The following C10orf67 variants were observed in gnomAD, a reference collection of about 807,000 sequenced individuals.
The protein encoded by C10orf67 is uncharacterized protein C10orf67, mitochondrial.
Under a neutral mutation model 35.6 loss-of-function variants are expected in C10orf67, and 60 were observed. The observed-to-expected ratio is 1.68, with a 90% CI of 1.37 to 2.09. The LOEUF (loss-of-function observed/expected upper bound fraction) is 2.09, where lower values mean the gene tolerates loss of function less well. C10orf67 is among the 30% of genes most tolerant of loss of function. C10orf67 has a pLI of 0.00. For missense variants in C10orf67, 474 were observed against 330.2 expected (o/e 1.44, Z -3.38); for synonymous variants, 167 against 115.8 (o/e 1.44, Z -2.84).
intron 10 of C10orf67, among the ~76,000 whole-genome samples, chr10:23,265,749 C>G (rs1842869390): frequency 6.6e-6 from 1 of 152,154 alleles, no homozygotes; most frequent in African/African-American, 2.4e-5. Flanking sequence ...TTATGTAGAC[C>G]AAGGCTGCCA....
At chr10:23,257,973 A>G (rs1842648120) in intron 10 of C10orf67, among the ~76,000 whole-genome samples, 1 of 152,114 alleles carries the variant, frequency 6.6e-6, no homozygotes, top group Non-Finnish European at 1.5e-5. Context: ...ATAGTCTCAT[A>G]AGAGACAGGT....
At chr10:23,233,958 T>C (rs1406814878) in intron 13 of C10orf67, among the ~76,000 whole-genome samples, 1 of 152,202 alleles carries the variant, frequency 6.6e-6, no homozygotes, top group African/African-American at 2.4e-5. Context: ...ATGTCACCTA[T>C]GTTGATAAAT....
At chr10:23,291,803 C>T (rs1453788135) in intron 5 of C10orf67, among the ~76,000 whole-genome samples, 11 of 152,126 alleles carry the variant, frequency 7.2e-5, no homozygotes, top group Non-Finnish European at 1.0e-4. Flanking sequence ...GGCTGGGAGC[C>T]GCATGGAGTC....
At position 23,219,853 on chromosome 10, in the gene C10orf67, G is replaced by C. The variant is rs557929047; in HGVS notation, c.1570+3745C>G. ...TAGATTTTATTTTTTACTTATGCCT[G>C]GTAGAAAATCAGCTATTAAAGAAGC... On this transcript the variant is annotated intron_variant, in intron 15 of 15. Transcript: ENST00000636213. 5.3e-5 allele frequency among the ~76,000 whole-genome samples: 8 copies of C among 152,184 alleles called. No individual in the cohort carries two copies. The South Asian group carries it at 1.0e-3, about 20-fold the overall frequency.
chr10:23,327,577 A>G (rs1845247948), intron 2 of C10orf67, among the ~76,000 whole-genome samples: 1 of 152,182 alleles, frequency 6.6e-6, no homozygotes, highest in African/African-American at 2.4e-5. Context: ...CTGTAATCCC[A>G]GCACTTTGTG....
chr10:23,309,957 C>T (rs576720361), intron 4 of C10orf67, among the ~76,000 whole-genome samples: 1 of 152,278 alleles, frequency 6.6e-6, no homozygotes, highest in South Asian at 2.1e-4. Context: ...TTACCTTTGG[C>T]TTTTCAAAAA....
chr10:23,274,887 A>C (rs1013597609), intron 8 of C10orf67, among the ~76,000 whole-genome samples: 1 of 152,216 alleles, frequency 6.6e-6, no homozygotes, highest in Non-Finnish European at 1.5e-5. Context: ...CAGTAAAGAC[A>C]GGTGTAAGAA....
At position 23,318,633 on chromosome 10, in the gene C10orf67, C is replaced by T. The variant is rs1048243772; in HGVS notation, c.546+2108G>A. On this transcript the variant is annotated intron_variant, in intron 4 of 15. Transcript: ENST00000636213. ...TGCACAAGAGCAGGTAAGTGGGAGA[C>T]AGTGTCACAGATGCCTTTGGAAACA... 1.5e-5 allele frequency: 6 copies of T among 398,800 alleles called. No homozygotes were observed. The Admixed American group carries it at 2.0e-4, about 14-fold the overall frequency. The allele number at this position is 398,800 out of a possible 1,614,324, so 24.7% of individuals were successfully genotyped here.
intron 7 of C10orf67, among the ~76,000 whole-genome samples, chr10:23,289,366 G>A (rs1046832014): frequency 4.6e-5 from 7 of 152,096 alleles, no homozygotes; most frequent in African/African-American, 1.7e-4. Context: ...GTCTCACTAT[G>A]TTTTCCAGTC....
intron 13 of C10orf67, among the ~76,000 whole-genome samples, chr10:23,225,711 G>T (rs186170709): frequency 2.0e-5 from 3 of 152,062 alleles, no homozygotes; most frequent in Admixed American, 6.6e-5. Context: ...AAAGGCAAGG[G>T]TTGCAATCCT....
At chr10:23,263,057 C>T (rs954575717) in intron 10 of C10orf67, among the ~76,000 whole-genome samples, 1 of 152,112 alleles carries the variant, frequency 6.6e-6, no homozygotes, top group Non-Finnish European at 1.5e-5. Flanking sequence ...GAAGACCATG[C>T]ACATGTAAAG....
chr10:23,226,090 T>C (rs1841733762), intron 13 of C10orf67, among the ~76,000 whole-genome samples: 1 of 152,188 alleles, frequency 6.6e-6, no homozygotes, highest in African/African-American at 2.4e-5. Context: ...CAAGCAGACC[T>C]AATAGACATC....
chr10:23,328,558 C>A (rs977387917), intron 2 of C10orf67, among the ~76,000 whole-genome samples: 3 of 152,036 alleles, frequency 2.0e-5, no homozygotes, highest in African/African-American at 7.3e-5. Context: ...GATCAGAGAG[C>A]TACTGCACTA....
Position 23,344,629 on chromosome 10 carries a change from C to T in C10orf67, c.146G>A (p.Cys49Tyr), listed in dbSNP as rs1846069458. ...CCGAGCTTCTCGCTTCCTACGCGCG[C>T]AGCAGACCCGCAGCTCGGTGGCCTT... Reference protein sequence around the residue: ...KAKATELRVCCARRKREAREF... With the variant: ...KAKATELRVCYARRKREAREF... Residue 49 changes from cysteine to tyrosine, a missense_variant, in exon 1 of 16, where the codon TGC (cysteine) becomes TAC (tyrosine). Cys to Tyr is a radical substitution (Grantham distance 194, BLOSUM62 -2). Coordinates refer to ENST00000636213, the MANE Select transcript of C10orf67 (RefSeq NM_001371909.1). 6.3e-6 allele frequency: 10 copies of T among 1,584,730 alleles called. No individual in the cohort carries two copies. The highest frequency in any genetic ancestry group is 8.6e-6 in the Non-Finnish European group (10 of 1,166,120).
chr10:23,207,189 GACA>G (rs1841183166), intron 15 of C10orf67, among the ~76,000 whole-genome samples: 1 of 147,888 alleles, frequency 6.8e-6, no homozygotes, highest in African/African-American at 2.5e-5. Context: ...GAAGTCAGAA[GACA>G]ACATTTTGAA....
chr10:23,267,691 G>A (rs1221774217), intron 8 of C10orf67, among the ~76,000 whole-genome samples: 1 of 152,048 alleles, frequency 6.6e-6, no homozygotes, highest in African/African-American at 2.4e-5. Flanking sequence ...TATCACCTGA[G>A]GTCAGGAGTT....
At chr10:23,313,786 C>T (rs1047965711) in intron 4 of C10orf67, among the ~76,000 whole-genome samples, 12 of 152,050 alleles carry the variant, frequency 7.9e-5, no homozygotes, top group Non-Finnish European at 1.8e-4. Flanking sequence ...ATAAAAGGAC[C>T]TTCTAAGCCA....
At chr10:23,300,898 C>A (rs778742307) in intron 5 of C10orf67, among the ~76,000 whole-genome samples, 1 of 152,154 alleles carries the variant, frequency 6.6e-6, no homozygotes, top group Non-Finnish European at 1.5e-5. Context: ...GCAGTTATGA[C>A]GGCACTTCTC....
At chr10:23,339,284 A>G (rs1039709880) in intron 1 of C10orf67, among the ~76,000 whole-genome samples, 4 of 151,312 alleles carry the variant, frequency 2.6e-5, no homozygotes, top group African/African-American at 4.9e-5. Context: ...CCAAGGGGCA[A>G]TTGGGTTGCT....
Sources: gnomAD v4.1 joint callset for allele counts (sites outside exome capture counted in the v4.1 genomes callset) on GRCh38, gnomAD v4.1.1 for gene constraint, MANE v1.5 for transcripts, NCBI Gene and HGNC (gene_info 2026-07-23, HGNC 2026-07-21) for gene names.